SMG6: variants seen among roughly 807,000 people sequenced by gnomAD.
SMG6 encodes telomerase-binding protein EST1A.
A neutral mutation model predicts 142.2 loss-of-function variants in SMG6; 66 were observed. The ratio of observed to expected loss-of-function variants is 0.46; its 90% CI spans 0.38 to 0.57. SMG6 has a LOEUF of 0.57. Among genes scored for constraint, SMG6 ranks in the 20% least tolerant of loss-of-function variants. The pLI is 0.00. For missense variants in SMG6, 1,793 were observed against 1,832.0 expected (o/e 0.98, Z 0.39); for synonymous variants, 779 against 702.4 (o/e 1.11, Z -1.72).
At chr17:2,112,028 T>C (rs148380962) in intron 13 of SMG6, among the ~76,000 whole-genome samples, 1 of 152,144 alleles carries the variant, frequency 6.6e-6, no homozygotes, top group Non-Finnish European at 1.5e-5. Flanking sequence ...TCTCTATATG[T>C]CTGCCTGTTA....
At chr17:2,178,697 C>A in intron 12 of SMG6, among the ~76,000 whole-genome samples, 1 of 152,300 alleles carries the variant, frequency 6.6e-6, no homozygotes, top group African/African-American at 2.4e-5. Context: ...GATTTCAGTT[C>A]TCCAAAGCCA....
At chr17:2,248,323 A>G (rs982124028) in intron 8 of SMG6, among the ~76,000 whole-genome samples, 4 of 152,156 alleles carry the variant, frequency 2.6e-5, no homozygotes, top group Non-Finnish European at 5.9e-5. Flanking sequence ...CCAAGGGCTA[A>G]CGAGGGAATA....
intron 8 of SMG6, among the ~76,000 whole-genome samples, chr17:2,282,019 G>A (rs1429939464): frequency 6.6e-6 from 1 of 152,184 alleles, no homozygotes; most frequent in Non-Finnish European, 1.5e-5. Context: ...AAAAACAGAA[G>A]TAATTACAAT....
In SMG6 at chr17:2,299,650, G is replaced by A. The variant is rs1444903463; in HGVS notation, c.1103C>T (p.Ser368Leu). ...AMNKESPMVR[S>L]ARDDMDRGKP... The stretch of plus-strand genomic sequence containing the variant: ...TCCTCTATCCATATCATCCCTGGCT[G>A]ACCTCACCATGGGAGACTCTTTGTT... The change falls in exon 2 of 19, where the codon TCA (serine) becomes TTA (leucine). Residue 368 changes from serine to leucine, a missense_variant. This residue lies in a region of SMG6 where 1,597 missense variants were observed against 1,584.6 expected (regional missense o/e 1.01). Transcript: ENST00000263073. The surrounding 1 kb of genome is among the most constrained non-coding windows in gnomAD (Gnocchi z 4.3). The A allele has an allele frequency of 1.9e-6, 3 of 1,614,176 alleles. No individual in the cohort carries two copies. Among genetic ancestry groups the A allele is most frequent in the Non-Finnish European group, 1.7e-6 (2 of 1,180,044 alleles).
intron 9 of SMG6, chr17:2,240,064 G>T (rs1432335384): frequency 6.6e-6 from 1 of 152,150 alleles, no homozygotes; most frequent in African/African-American, 2.4e-5. Context: ...GGTCTGTCAG[G>T]AGCCATATGG....
At chr17:2,281,343 G>A (rs938452194) in intron 8 of SMG6, among the ~76,000 whole-genome samples, 1 of 152,106 alleles carries the variant, frequency 6.6e-6, no homozygotes, top group Non-Finnish European at 1.5e-5. Context: ...TGACCAGGCT[G>A]GTACTGAATT....
At chr17:2,265,863 A>G (rs2074413430) in intron 8 of SMG6, 1 of 383,744 alleles carries the variant, frequency 2.6e-6, no homozygotes, top group Non-Finnish European at 3.6e-6. Flanking sequence ...AGTATGCTAT[A>G]AACAACACCA....
chr17:2,069,069 G>C, intron 15 of SMG6, 138 bp from the exon 16 acceptor site: 2 of 809,540 alleles, frequency 2.5e-6, no homozygotes, highest in Non-Finnish European at 3.9e-6. Flanking sequence ...AGTCCCCGTC[G>C]GGTCTCAGGG....
intron 13 of SMG6, among the ~76,000 whole-genome samples, chr17:2,132,051 T>C (rs1034112136): frequency 1.3e-5 from 2 of 151,668 alleles, no homozygotes; most frequent in African/African-American, 2.4e-5. Flanking sequence ...CAGCATTGGG[T>C]GACAGAGCAA....
intron 13 of SMG6, among the ~76,000 whole-genome samples, chr17:2,151,975 T>C (rs886873617): frequency 1.3e-5 from 2 of 152,260 alleles, no homozygotes; most frequent in Admixed American, 6.5e-5. Flanking sequence ...CAATGACTCC[T>C]TGGAGGCTAT....
chr17:2,196,871 T>C (rs1242319842), intron 10 of SMG6, among the ~76,000 whole-genome samples: 2 of 151,924 alleles, frequency 1.3e-5, no homozygotes, highest in Non-Finnish European at 2.9e-5. Flanking sequence ...TCTTCTAAAA[T>C]AAAATTAAAA....
At chr17:2,182,739 CT>C (rs1447505302) in intron 12 of SMG6, among the ~76,000 whole-genome samples, 1 of 152,128 alleles carries the variant, frequency 6.6e-6, no homozygotes, top group Non-Finnish European at 1.5e-5. Context: ...AGCATTACTT[CT>C]CTCCAGAGAA....
chr17:2,267,452 C>T (rs1374149437), intron 8 of SMG6, among the ~76,000 whole-genome samples: 1 of 152,110 alleles, frequency 6.6e-6, no homozygotes, highest in African/African-American at 2.4e-5. Context: ...CCTGCCTCAG[C>T]CTCCCAATGT....
At chr17:2,264,681 C>G (rs1443887343) in intron 8 of SMG6, among the ~76,000 whole-genome samples, 2 of 152,090 alleles carry the variant, frequency 1.3e-5, no homozygotes, top group South Asian at 4.2e-4. Flanking sequence ...GTGGGTGGAT[C>G]GCTTGAGCCC....
At chr17:2,144,213 C>T (rs1390380182) in intron 13 of SMG6, among the ~76,000 whole-genome samples, 1 of 151,978 alleles carries the variant, frequency 6.6e-6, no homozygotes, top group Non-Finnish European at 1.5e-5. Context: ...TGCCTGCCAT[C>T]ACGCCCAGCT....
intron 14 of SMG6, chr17:2,082,186 G>T: frequency 1.8e-6 from 1 of 545,674 alleles, no homozygotes. Flanking sequence ...TTTTCCCTCA[G>T]AGAGTTACAC....
intron 13 of SMG6, among the ~76,000 whole-genome samples, chr17:2,159,107 T>A (rs899477255): frequency 6.6e-6 from 1 of 152,096 alleles, no homozygotes; most frequent in Non-Finnish European, 1.5e-5. Context: ...AAGATGCTCA[T>A]CATTATTCAG....
At chr17:2,125,047 G>A (rs1384478646) in intron 13 of SMG6, among the ~76,000 whole-genome samples, 3 of 151,956 alleles carry the variant, frequency 2.0e-5, no homozygotes, top group South Asian at 2.1e-4. Flanking sequence ...GGGGCACTAT[G>A]GTCTCTTCTT....
intron 16 of SMG6, 87 bp from the exon 17 acceptor site, chr17:2,065,766 C>G (rs2067924968): frequency 9.0e-7 from 1 of 1,108,086 alleles, no homozygotes; most frequent in East Asian, 2.6e-5. Context: ...CAGCCAACAC[C>G]TTCCCAGACC....
Sources: gnomAD v4.1 joint callset for allele counts (sites outside exome capture counted in the v4.1 genomes callset) on GRCh38, gnomAD v4.1.1 for gene constraint, gnomAD v4.1.1 regional missense constraint, Gnocchi (gnomAD v3.1) non-coding constraint, MANE v1.5 for transcripts, NCBI Gene and HGNC (gene_info 2026-07-23, HGNC 2026-07-21) for gene names.